ENPP2: variants seen among roughly 807,000 people sequenced by gnomAD.
ENPP2 encodes ectonucleotide pyrophosphatase/phosphodiesterase 2.
A neutral mutation model predicts 120.2 loss-of-function variants in ENPP2; 51 were observed. The ratio of observed to expected loss-of-function variants is 0.42; its 90% CI spans 0.34 to 0.54. The LOEUF is 0.54. Among genes scored for constraint, ENPP2 ranks in the 20% least tolerant of loss-of-function variants. The pLI is 0.04. For missense variants in ENPP2, 920 were observed against 1,066.5 expected (o/e 0.86, Z 1.91); for synonymous variants, 365 against 366.4 (o/e 1.00, Z 0.04).
At chr8:119,661,471 G>A (rs930715815) in intron 1 of ENPP2, among the ~76,000 whole-genome samples, 2 of 152,010 alleles carry the variant, frequency 1.3e-5, no homozygotes, top group Non-Finnish European at 2.9e-5. Context: ...ATATCACCTC[G>A]GACCTGTTAG....
Position 119,638,833 on chromosome 8 carries a change from G to A in ENPP2, c.-53C>T, listed in dbSNP as rs1171029863. 2 of 1,613,030 alleles carry A rather than the reference G, an allele frequency of 1.2e-6. No homozygotes were observed. The highest frequency in any genetic ancestry group is 2.7e-5 in the African/African-American group (2 of 74,910). On this transcript the variant is annotated 5_prime_UTR_variant, in exon 1 of 25. Transcript: ENST00000075322. ...AGCGTGTTCTCTTTGCCTTCACGGA[G>A]TGCACTGCTTTGAGGCTCTGGGTTT...
rs1445460693 is a variant in ENPP2, at chr8:119,617,259, C to T, written c.578-16G>A. On this transcript the variant is annotated splice_polypyrimidine_tract_variant and intron_variant, in intron 6 of 24. Coordinates refer to ENST00000075322, the MANE Select transcript of ENPP2 (RefSeq NM_001040092.3). Reference sequence around the variant, plus strand: ...CCACAAGACCCTGGAAAGAGAATTGCAAATATTAGAACAAGAGAACCAACA... The same window carrying T: ...CCACAAGACCCTGGAAAGAGAATTGTAAATATTAGAACAAGAGAACCAACA... 6.3e-7 allele frequency: 1 copy of T among 1,594,134 alleles called. No homozygotes were observed. Among genetic ancestry groups the T allele is most frequent in the Admixed American group, 1.7e-5 (1 of 59,968 alleles).
Position 119,616,253 on chromosome 8 carries a change from T to C in ENPP2, c.777+12A>G. Reference sequence around the variant, plus strand: ...CACAAACACATAGACACACAATAAATGCAAAACTTACCGGTTGACCTCCCC... The same window carrying C: ...CACAAACACATAGACACACAATAAACGCAAAACTTACCGGTTGACCTCCCC... On this transcript the variant is annotated intron_variant, in intron 8 of 24. Transcript: ENST00000075322. The C allele has an allele frequency of 1.2e-6, 2 of 1,600,714 alleles. No individual in the cohort carries two copies. Among genetic ancestry groups the C allele is most frequent in the Non-Finnish European group, 1.7e-6 (2 of 1,170,940 alleles).
intron 1 of ENPP2, among the ~76,000 whole-genome samples, chr8:119,648,445 G>T (rs1817536648): frequency 6.6e-6 from 1 of 152,108 alleles, no homozygotes; most frequent in African/African-American, 2.4e-5. Flanking sequence ...CAAAGGGTAG[G>T]GTGATTCTGG....
intron 1 of ENPP2, among the ~76,000 whole-genome samples, chr8:119,649,531 A>T (rs1289303825): frequency 2.0e-5 from 3 of 152,218 alleles, no homozygotes; most frequent in African/African-American, 7.2e-5. Context: ...AATCACTGAG[A>T]TATATTAAAG....
At chr8:119,600,080 T>C (rs945779438) in intron 11 of ENPP2, among the ~76,000 whole-genome samples, 7 of 151,814 alleles carry the variant, frequency 4.6e-5, no homozygotes, top group Admixed American at 2.0e-4. Flanking sequence ...TTCTCAAGAA[T>C]TTATGTTACT....
At chr8:119,571,986 A>G in intron 19 of ENPP2, 1 of 535,412 alleles carries the variant, frequency 1.9e-6, no homozygotes, top group Admixed American at 3.1e-5. Flanking sequence ...CGGCTGCTCC[A>G]GCATTGCAGT....
rs1814757907 is a variant in ENPP2, at chr8:119,569,352, G to A, written c.1936C>T (p.Pro646Ser). The A allele has an allele frequency of 6.2e-7, 1 of 1,613,826 alleles. No homozygotes were observed. Among genetic ancestry groups the A allele is most frequent in the Admixed American group, 1.7e-5 (1 of 59,978 alleles). ...CGGACGCAACTGGTCAGATGGTCAGGAACGCTGGAAACCTCAGCCTGCACG... is the reference window on the plus strand; with the variant it reads ...CGGACGCAACTGGTCAGATGGTCAGAAACGCTGGAAACCTCAGCCTGCACG... ...VSKQAEVSSV[P>S]DHLTSCVRPD... is the part of the protein sequence containing the mutation. The change falls in exon 21 of 25, where the codon CCT becomes TCT. Residue 646 changes from proline (P) to serine (S), a missense_variant. Transcript: ENST00000075322.
At chr8:119,558,998 A>G (rs1041237597) in intron 24 of ENPP2, among the ~76,000 whole-genome samples, 1 of 152,194 alleles carries the variant, frequency 6.6e-6, no homozygotes, top group East Asian at 1.9e-4. Context: ...GTGTTGGTTC[A>G]GGAAACTGAT....
chr8:119,562,786 T>C (rs1814070041), intron 24 of ENPP2, 71 bp downstream of exon 24: 8 of 1,398,396 alleles, frequency 5.7e-6, no homozygotes, highest in Middle Eastern at 1.8e-4. Flanking sequence ...AGTTCAATGA[T>C]GGAAATATAA....
chr8:119,651,571 C>A (rs569344158), intron 1 of ENPP2, among the ~76,000 whole-genome samples: 2 of 152,232 alleles, frequency 1.3e-5, no homozygotes, highest in East Asian at 3.9e-4. Flanking sequence ...GGAATTTCAA[C>A]TGTGTGCTGA....
At chr8:119,586,064 G>A (rs1437360119) in intron 15 of ENPP2, 122 bp downstream of exon 15, 2 of 1,104,694 alleles carry the variant, frequency 1.8e-6, no homozygotes, top group African/African-American at 1.6e-5. Context: ...CAAAATCTTT[G>A]GAAACAGTGA....
intron 19 of ENPP2, among the ~76,000 whole-genome samples, chr8:119,575,615 G>A (rs1024409946): frequency 9.2e-5 from 14 of 152,088 alleles, no homozygotes; most frequent in East Asian, 1.9e-4. Context: ...ATAAAACTGC[G>A]TTCAAATCTA....
At chr8:119,619,143 A>G in intron 5 of ENPP2, 101 bp downstream of exon 5, 1 of 885,126 alleles carries the variant, frequency 1.1e-6, no homozygotes, top group South Asian at 1.5e-5. Context: ...GTATAAGAGA[A>G]TTTCAGTTCC....
intron 19 of ENPP2, chr8:119,572,055 C>T (rs1346844963): frequency 1.7e-5 from 12 of 709,994 alleles, no homozygotes; most frequent in Admixed American, 1.7e-4. Context: ...AGGATTAGAA[C>T]ATAATCTGAC....
intron 1 of ENPP2, among the ~76,000 whole-genome samples, chr8:119,643,862 G>T (rs1048241679): frequency 6.6e-6 from 1 of 152,206 alleles, no homozygotes; most frequent in Non-Finnish European, 1.5e-5. Context: ...ATTGAGCTGC[G>T]ATTGGAAGGG....
At chr8:119,583,622 A>G in intron 17 of ENPP2, 95 bp downstream of exon 17, 1 of 717,678 alleles carries the variant, frequency 1.4e-6, no homozygotes. Flanking sequence ...GTAGTCCCAG[A>G]AAATAGACAC....
At chr8:119,660,766 C>T (rs1817897425) in intron 1 of ENPP2, among the ~76,000 whole-genome samples, 1 of 152,180 alleles carries the variant, frequency 6.6e-6, no homozygotes, top group Non-Finnish European at 1.5e-5. Flanking sequence ...GTGTGCCATC[C>T]AGCAATCTCT....
intron 8 of ENPP2, among the ~76,000 whole-genome samples, chr8:119,610,151 A>T (rs1814995160): frequency 1.3e-5 from 2 of 152,296 alleles, no homozygotes; most frequent in South Asian, 4.1e-4. Flanking sequence ...TTACAGTGAC[A>T]ATCAACTTAC....
Sources: gnomAD v4.1 joint callset for allele counts (sites outside exome capture counted in the v4.1 genomes callset) on GRCh38, gnomAD v4.1.1 for gene constraint, MANE v1.5 for transcripts, NCBI Gene and HGNC (gene_info 2026-07-23, HGNC 2026-07-21) for gene names.